The following CLSTN1 variants were observed in gnomAD, a reference collection of about 807,000 sequenced individuals.
CLSTN1 encodes the protein calsyntenin 1, also known as calsyntenin-1.
A neutral mutation model predicts 108.3 loss-of-function variants in CLSTN1; 28 were observed. That is an observed-to-expected ratio of 0.26 (90% CI 0.19 to 0.35). The LOEUF (loss-of-function observed/expected upper bound fraction) is 0.35. Among genes scored for constraint, CLSTN1 ranks in the 10% least tolerant of loss-of-function variants. The pLI is 1.00. For synonymous variants in CLSTN1, 524 were observed against 534.9 expected, an observed-to-expected ratio of 0.98 and a Z score of 0.28; for missense variants, 1,157 against 1,302.6, an observed-to-expected ratio of 0.89 and a Z score of 1.72.
intron 1 of CLSTN1, among the ~76,000 whole-genome samples, chr1:9,779,621 C>T (rs1418629529): frequency 6.6e-6 from 1 of 152,088 alleles, no homozygotes; most frequent in African/African-American, 2.4e-5. Flanking sequence ...GAGATGAAGT[C>T]TTGCTATGTT....
intron 1 of CLSTN1, among the ~76,000 whole-genome samples, chr1:9,795,355 G>A (rs186434069): frequency 3.0e-4 from 45 of 150,876 alleles, no homozygotes; most frequent in African/African-American, 9.7e-4. Flanking sequence ...TAGTAGAGAC[G>A]GGGTTTCTCC....
At position 9,808,692 on chromosome 1, in the gene CLSTN1, G is replaced by A. The variant is rs76145215; in HGVS notation, c.91+14951C>T. Among the ~76,000 whole-genome samples the A allele has an allele frequency of 4.2e-3, 635 of 152,078 alleles. 11 individuals carry two copies. The East Asian group carries it at 0.043, about 10-fold the overall frequency. On this transcript the variant is annotated intron_variant, in intron 1 of 18. Coordinates refer to ENST00000377298, the MANE Select transcript of CLSTN1 (RefSeq NM_001009566.3). ...GACAGACTGAGTGGAGAAATAACACGTGCCCGAGCTCTCAGGAAAAAGGCC... is the reference window on the plus strand; with the variant it reads ...GACAGACTGAGTGGAGAAATAACACATGCCCGAGCTCTCAGGAAAAAGGCC...
intron 10 of CLSTN1, among the ~76,000 whole-genome samples, chr1:9,740,235 T>A (rs1157974635): frequency 6.6e-6 from 1 of 152,070 alleles, no homozygotes; most frequent in Non-Finnish European, 1.5e-5. Context: ...AATTTTTGTA[T>A]ATTTAGTAGA....
intron 10 of CLSTN1, 150 bp from the exon 11 acceptor site, chr1:9,737,704 C>G: frequency 1.5e-6 from 1 of 678,866 alleles, no homozygotes; most frequent in Non-Finnish European, 2.6e-6. Context: ...CCCATCTGGA[C>G]GCAAGCTTGT....
chr1:9,758,097 G>A (rs1270002741), intron 2 of CLSTN1, among the ~76,000 whole-genome samples: 2 of 152,026 alleles, frequency 1.3e-5, no homozygotes, highest in Admixed American at 1.3e-4. Flanking sequence ...GGGTTCAAGC[G>A]ATTCTCCTGC....
At chr1:9,764,996 A>C (rs1475387031) in intron 2 of CLSTN1, among the ~76,000 whole-genome samples, 1 of 152,200 alleles carries the variant, frequency 6.6e-6, no homozygotes, top group Non-Finnish European at 1.5e-5. Flanking sequence ...CCTAACATTC[A>C]GCTACTTACT....
intron 7 of CLSTN1, among the ~76,000 whole-genome samples, chr1:9,745,965 G>A (rs1369975858): frequency 5.3e-5 from 8 of 151,668 alleles, no homozygotes; most frequent in South Asian, 4.2e-4. Flanking sequence ...ACGGGGTTTC[G>A]CCATGTTGTC....
chr1:9,738,092 ATTAACCTTTGGG>A (rs1332604744), intron 10 of CLSTN1, among the ~76,000 whole-genome samples: 12 of 152,242 alleles, frequency 7.9e-5, no homozygotes, highest in Non-Finnish European at 1.8e-4. Context: ...CTGTCTAGCC[ATTAACCTTTGGG>A]CGACAGAGGA....
At chr1:9,733,336 G>A (rs1650506266) in intron 16 of CLSTN1, 65 bp downstream of exon 16, 1 of 1,586,734 alleles carries the variant, frequency 6.3e-7, no homozygotes, top group Admixed American at 1.7e-5. Flanking sequence ...GAATATTAGG[G>A]CTGCAAATCA....
chr1:9,773,549 A>C (rs1364078595), intron 1 of CLSTN1, among the ~76,000 whole-genome samples, 155 bp from the exon 2 acceptor site: 2 of 152,206 alleles, frequency 1.3e-5, no homozygotes, highest in Non-Finnish European at 2.9e-5. Context: ...TGGTATCAAG[A>C]CCCAAATGAG....
chr1:9,779,632 G>A (rs993714780), intron 1 of CLSTN1, among the ~76,000 whole-genome samples: 1 of 152,032 alleles, frequency 6.6e-6, no homozygotes, highest in Non-Finnish European at 1.5e-5. Context: ...TTGCTATGTT[G>A]CCCACGCTGG....
intron 7 of CLSTN1, among the ~76,000 whole-genome samples, chr1:9,747,176 C>CAAAAAAAAAA (rs70998306): frequency 3.1e-5 from 1 of 32,724 alleles, no homozygotes; most frequent in African/African-American, 8.3e-5. Flanking sequence ...GAGACTGTCT[C>CAAAAAAAAAA]AAAAAAAAAA....
chr1:9,735,168 A>G lies in CLSTN1; in HGVS notation c.1890T>C (p.Phe630=), dbSNP rs1430594727. Reference sequence around the variant, plus strand: ...GGACCGAAATGCAGGTGGCCTCGTTAAAACACCTGCCAGCAAGAAATGGGG... The same window carrying G: ...GGACCGAAATGCAGGTGGCCTCGTTGAAACACCTGCCAGCAAGAAATGGGG... ...RLKITSTIKC[F]NEATCISVPP... The change falls in exon 14 of 19, where the codon TTT becomes TTC. Residue 630 remains phenylalanine, a synonymous_variant. Transcript: ENST00000377298. 1 of 1,614,038 alleles carries G rather than the reference A, an allele frequency of 6.2e-7. No individual in the cohort carries two copies.
chr1:9,763,728 C>T (rs1194445697), intron 2 of CLSTN1, among the ~76,000 whole-genome samples: 1 of 152,184 alleles, frequency 6.6e-6, no homozygotes, highest in Non-Finnish European at 1.5e-5. Flanking sequence ...GACTTCAATC[C>T]TGTGCTCCTC....
At chr1:9,816,981 G>A (rs151064649) in intron 1 of CLSTN1, among the ~76,000 whole-genome samples, 1 of 152,154 alleles carries the variant, frequency 6.6e-6, no homozygotes, top group African/African-American at 2.4e-5. Context: ...ATGACTCAGA[G>A]AAAGTACAGA....
intron 1 of CLSTN1, among the ~76,000 whole-genome samples, chr1:9,802,761 T>C (rs1331903115): frequency 1.3e-5 from 2 of 152,308 alleles, no homozygotes; most frequent in East Asian, 1.9e-4. Flanking sequence ...GGCTAAATGA[T>C]TTCTCAAGCT....
chr1:9,742,544 A>C (rs1405198593), intron 9 of CLSTN1, among the ~76,000 whole-genome samples: 1 of 152,226 alleles, frequency 6.6e-6, no homozygotes, highest in Non-Finnish European at 1.5e-5. Context: ...AATGCAGACT[A>C]TGGCTACTAT....
rs148219401 is a variant in CLSTN1 at position 9,753,567 on chromosome 1, G to C, written c.440+1547C>G. Among the ~76,000 whole-genome samples, 1,374 of 151,430 alleles carry C rather than the reference G, an allele frequency of 9.1e-3. 15 individuals are homozygous for C. Among genetic ancestry groups the C allele is most frequent in the East Asian group, 0.042 (217 of 5,138 alleles). On this transcript the variant is annotated intron_variant, in intron 4 of 18. Coordinates refer to ENST00000377298, the MANE Select transcript of CLSTN1 (RefSeq NM_001009566.3). ...AGTGCAATGATGTGATCTTGGCTCAGTGCAACCTCCACCTCCCAGGTTCAA... is the reference window on the plus strand; with the variant it reads ...AGTGCAATGATGTGATCTTGGCTCACTGCAACCTCCACCTCCCAGGTTCAA...
intron 15 of CLSTN1, 142 bp downstream of exon 15, chr1:9,733,830 A>G (rs1650535259): frequency 2.3e-6 from 2 of 872,578 alleles, no homozygotes; most frequent in South Asian, 1.7e-5. Context: ...GCAGCCAACA[A>G]TGATCCCAGC....
Sources: gnomAD v4.1 joint callset for allele counts (sites outside exome capture counted in the v4.1 genomes callset) on GRCh38, gnomAD v4.1.1 for gene constraint, MANE v1.5 for transcripts, NCBI Gene and HGNC (gene_info 2026-07-23, HGNC 2026-07-21) for gene names.